The following PDE3A variants were observed in gnomAD, a reference collection of about 807,000 sequenced individuals.
PDE3A encodes the protein phosphodiesterase 3A, also known as cGMP-inhibited 3',5'-cyclic phosphodiesterase 3A.
Under a neutral mutation model 98.3 loss-of-function variants are expected in PDE3A, and 43 were observed. That is an observed-to-expected ratio of 0.44 (90% CI 0.34 to 0.56). The LOEUF (loss-of-function observed/expected upper bound fraction) is 0.56. PDE3A is among the 20% of genes least tolerant of loss of function. The probability of loss-of-function intolerance (pLI) is 0.01; values close to 1 mark genes in which losing one functional copy is unlikely to be tolerated. For synonymous variants in PDE3A, 663 were observed against 567.9 expected, an observed-to-expected ratio of 1.17 and a Z score of -2.38; for missense variants, 1,427 against 1,440.7, an observed-to-expected ratio of 0.99 and a Z score of 0.15.
chr12:20,673,063 A>G (rs1464913043), intron 15 of PDE3A, among the ~76,000 whole-genome samples: 1 of 151,646 alleles, frequency 6.6e-6, no homozygotes, highest in Non-Finnish European at 1.5e-5. Context: ...ACTTTTCAAA[A>G]GAAGACATTT....
At chr12:20,551,992 G>T in intron 1 of PDE3A, 1 of 1,612,610 alleles carries the variant, frequency 6.2e-7, no homozygotes, top group Non-Finnish European at 8.5e-7. Flanking sequence ...CCGGAGCAAC[G>T]ACGGAGCGTA....
In PDE3A at chr12:20,446,295, G is replaced by T. The variant is rs145755624; in HGVS notation, c.960+76051G>T. The stretch of plus-strand genomic sequence containing the variant: ...TCTCTAGTAAAATAAAAATGGTCAT[G>T]CTTTCAGACGGTCATGTATTATTGA... On this transcript the variant is annotated intron_variant, in intron 1 of 15. Transcript: ENST00000359062. Among the ~76,000 whole-genome samples the T allele has an allele frequency of 3.0e-3, 454 of 152,308 alleles. 1 individual carries two copies. The highest frequency in any genetic ancestry group is 5.7e-3 in the Non-Finnish European group (385 of 68,032).
intron 3 of PDE3A, among the ~76,000 whole-genome samples, chr12:20,614,764 C>G (rs527630313): frequency 6.6e-6 from 1 of 152,246 alleles, no homozygotes; most frequent in South Asian, 2.1e-4. Context: ...TTAAGAGACA[C>G]TGGAAACTAT....
chr12:20,400,789 C>T (rs544683364), intron 1 of PDE3A, among the ~76,000 whole-genome samples: 2 of 152,182 alleles, frequency 1.3e-5, no homozygotes, highest in South Asian at 2.1e-4. Context: ...AATTTTCGCC[C>T]AGTATGCTAA....
intron 10 of PDE3A, among the ~76,000 whole-genome samples, chr12:20,642,412 C>T (rs1367886674): frequency 1.3e-5 from 2 of 152,216 alleles, no homozygotes; most frequent in African/African-American, 4.8e-5. Flanking sequence ...TTCAATCAAA[C>T]TTAGGATAAA....
rs71442269 is a variant in PDE3A, at chr12:20,685,409, C to CAAAAAAAAA, written c.*5153_*5161dup. Among the ~76,000 whole-genome samples the CAAAAAAAAA allele has an allele frequency of 1.4e-5, 1 of 73,790 alleles. No individual in the cohort carries two copies. The highest frequency in any genetic ancestry group is 6.0e-5 in the African/African-American group (1 of 16,576). 48.4% of individuals were successfully genotyped at this position (73,790 alleles called of 152,430 possible). On this transcript the variant is annotated 3_prime_UTR_variant, in exon 16 of 16. Transcript: ENST00000359062. ...GGGCAACAGGAGTTAAATTTTGCCT[C>CAAAAAAAAA]AAAAAAAAAAAAAAAAAAAAAAAGA...
intron 1 of PDE3A, among the ~76,000 whole-genome samples, chr12:20,542,875 A>G (rs1941955602): frequency 6.6e-6 from 1 of 152,072 alleles, no homozygotes; most frequent in South Asian, 2.1e-4. Context: ...GGGGCATGGT[A>G]TGAATGAAAC....
chr12:20,662,439 G>T (rs1720423948), intron 15 of PDE3A, among the ~76,000 whole-genome samples: 1 of 152,192 alleles, frequency 6.6e-6, no homozygotes, highest in Admixed American at 6.5e-5. Context: ...TGACCTGGAT[G>T]TGAGACATGG....
Position 20,680,127 on chromosome 12 carries a change from A to T in PDE3A, c.3282A>T (p.Gln1094His). 1.2e-6 allele frequency: 2 copies of T among 1,613,800 alleles called. No homozygotes were observed. Among genetic ancestry groups the T allele is most frequent in the Non-Finnish European group, 1.7e-6 (2 of 1,179,770 alleles). Residue 1094 changes from glutamine to histidine, a missense_variant, in exon 16 of 16, where the codon CAA (glutamine) becomes CAT (histidine). By Grantham distance (24) the Gln-to-His change is conservative. Coordinates refer to ENST00000359062, the MANE Select transcript of PDE3A (RefSeq NM_000921.5). ...GGAAGAAAGTCATTGAAGAGGAGCA[A>T]CGGTTGGCAGGCATAGAAAATCAAT... ...KMWKKVIEEE[Q>H]RLAGIENQSL...
intron 6 of PDE3A, 23 bp downstream of exon 6, chr12:20,630,150 A>C (rs777047594): frequency 4.0e-6 from 6 of 1,492,148 alleles, no homozygotes; most frequent in Non-Finnish European, 5.6e-6. Flanking sequence ...TATGAACTGA[A>C]GTTTAATAAT....
intron 15 of PDE3A, among the ~76,000 whole-genome samples, chr12:20,679,299 G>A (rs1368465638): frequency 6.6e-6 from 1 of 152,112 alleles, no homozygotes; most frequent in African/African-American, 2.4e-5. Context: ...CCAGGCTGGA[G>A]TGCAGTGGCT....
rs548890321 is a variant in PDE3A, at chr12:20,670,947, A to G, written c.3185-9083A>G. ...AAAGGATCAACAAAATTGATAGACCACTAGCAAGACTAATAAAGAAAAAAA... is the reference window on the plus strand; with the variant it reads ...AAAGGATCAACAAAATTGATAGACCGCTAGCAAGACTAATAAAGAAAAAAA... On this transcript the variant is annotated intron_variant, in intron 15 of 15. Coordinates refer to ENST00000359062, the MANE Select transcript of PDE3A (RefSeq NM_000921.5). 6.9e-3 allele frequency among the ~76,000 whole-genome samples: 845 copies of G among 123,298 alleles called. 3 individuals carry two copies. The highest frequency in any genetic ancestry group is 0.023 in the African/African-American group (608 of 26,690). The allele number at this position is 123,298 out of a possible 152,430, so 80.9% of individuals were successfully genotyped here. A position where few individuals can be genotyped will look rare whatever the true frequency, so the allele number is the denominator to read the frequency against.
intron 14 of PDE3A, among the ~76,000 whole-genome samples, chr12:20,653,023 C>T (rs994850371): frequency 6.6e-6 from 1 of 152,204 alleles, no homozygotes; most frequent in Admixed American, 6.5e-5. Flanking sequence ...AGGGAAAATT[C>T]ATGTATAATA....
chr12:20,680,162 A>G lies in PDE3A; in HGVS notation c.3317A>G (p.Gln1106Arg). ...GGCATAGAAAATCAATCCCTGGACC[A>G]GACCCCTCAGTCGCACTCTTCAGAA... The part of the protein sequence containing the change: ...LAGIENQSLD[Q>R]TPQSHSSEQI... Residue 1106 changes from glutamine to arginine, a missense_variant, in exon 16 of 16, where the codon CAG becomes CGG. Around this residue, in one of 3 missense-constraint regions of PDE3A, gnomAD observed 142 missense variants for 133.9 expected, o/e 1.06. Coordinates refer to ENST00000359062, the MANE Select transcript of PDE3A (RefSeq NM_000921.5). 2 of 1,613,938 alleles carry G rather than the reference A, an allele frequency of 1.2e-6. No homozygotes were observed. Among genetic ancestry groups the G allele is most frequent in the Non-Finnish European group, 8.5e-7 (1 of 1,179,872 alleles).
chr12:20,643,226 T>G (rs1367127704), intron 10 of PDE3A, among the ~76,000 whole-genome samples: 1 of 152,170 alleles, frequency 6.6e-6, no homozygotes, highest in Non-Finnish European at 1.5e-5. Flanking sequence ...ATGATGAGAA[T>G]AAGGATAAAA....
At chr12:20,654,414 A>G (rs928392376) in intron 15 of PDE3A, among the ~76,000 whole-genome samples, 1 of 152,216 alleles carries the variant, frequency 6.6e-6, no homozygotes, top group African/African-American at 2.4e-5. Context: ...ATACAAAGAT[A>G]TCTTCTCCGT....
At chr12:20,533,746 A>C (rs1031646882) in intron 1 of PDE3A, among the ~76,000 whole-genome samples, 1 of 149,438 alleles carries the variant, frequency 6.7e-6, no homozygotes, top group Non-Finnish European at 1.5e-5. Context: ...TTGGACTCCC[A>C]AAGTGCTGGG....
chr12:20,665,737 T>A (rs1945291392), intron 15 of PDE3A, among the ~76,000 whole-genome samples: 1 of 152,130 alleles, frequency 6.6e-6, no homozygotes, highest in South Asian at 2.1e-4. Context: ...TTTTTTATAG[T>A]CATTTTCATT....
At chr12:20,501,416 G>A (rs1298013501) in intron 1 of PDE3A, among the ~76,000 whole-genome samples, 2 of 152,104 alleles carry the variant, frequency 1.3e-5, no homozygotes, top group Admixed American at 6.6e-5. Context: ...TAAAATTAAA[G>A]TAGTGGAAGT....
Sources: gnomAD v4.1 joint callset for allele counts (sites outside exome capture counted in the v4.1 genomes callset) on GRCh38, gnomAD v4.1.1 for gene constraint, gnomAD v4.1.1 regional missense constraint, MANE v1.5 for transcripts, NCBI Gene and HGNC (gene_info 2026-07-23, HGNC 2026-07-21) for gene names.